Variants in RALGPS1 observed in about 807,000 individuals in gnomAD.
RALGPS1 encodes the protein ras-specific guanine nucleotide-releasing factor RalGPS1.
In RALGPS1, 19 loss-of-function variants were observed where a neutral mutation model predicts 78.8. The observed-to-expected ratio is 0.24, with a 90% CI of 0.17 to 0.35. RALGPS1 has a LOEUF of 0.35. Ranked by LOEUF, RALGPS1 falls within the 10% of genes least tolerant of loss-of-function variation. The pLI is 1.00. For missense variants in RALGPS1, 454 were observed against 688.3 expected, an observed-to-expected ratio of 0.66 and a Z score of 3.81; for synonymous variants, 228 against 256.3, an observed-to-expected ratio of 0.89 and a Z score of 1.06.
rs1050208398 is a variant in RALGPS1, at chr9:127,000,505, A to G, written c.216+22760A>G. Among the ~76,000 whole-genome samples the G allele has an allele frequency of 1.4e-4, 16 of 116,642 alleles. 1 individual carries two copies. Among genetic ancestry groups the G allele is most frequent in the Admixed American group, 1.1e-3 (13 of 11,432 alleles). The allele number at this position is 116,642 out of a possible 152,430, so 76.5% of individuals were successfully genotyped here. On this transcript the variant is annotated intron_variant, in intron 4 of 18. Coordinates refer to ENST00000259351, the MANE Select transcript of RALGPS1 (RefSeq NM_014636.3). Reference sequence around the variant, plus strand: ...CCAAATATTTGAGGAATGGCTAGGTATATTCCTGCTATTGATTTCTTGTCT... The same window carrying G: ...CCAAATATTTGAGGAATGGCTAGGTGTATTCCTGCTATTGATTTCTTGTCT...
Position 127,183,836 on chromosome 9 carries a change from T to C in RALGPS1, c.910+9054T>C. On this transcript the variant is annotated intron_variant, in intron 11 of 18. Transcript: ENST00000259351. The surrounding 1 kb of genome is among the most constrained non-coding windows in gnomAD (Gnocchi z 4.0). The stretch of plus-strand genomic sequence containing the variant: ...TAGGAGGCCAGTTGTGGCCCATTAC[T>C]CTGGGATTTCACATCTCCTTTGTTC... 6.5e-7 allele frequency: 1 copy of C among 1,532,808 alleles called. No homozygotes were observed. Among genetic ancestry groups the C allele is most frequent in the Non-Finnish European group, 8.8e-7 (1 of 1,138,288 alleles). The allele number at this position is 1,532,808 out of a possible 1,614,324, so 95.0% of individuals were successfully genotyped here. A position where few individuals can be genotyped will look rare whatever the true frequency, so the allele number is the denominator to read the frequency against.
At chr9:127,111,537 G>A (rs2054811745) in intron 8 of RALGPS1, among the ~76,000 whole-genome samples, 2 of 152,186 alleles carry the variant, frequency 1.3e-5, no homozygotes, top group Admixed American at 6.5e-5. Context: ...GGATAGATTG[G>A]GGCAGGGATC....
intron 1 of RALGPS1, among the ~76,000 whole-genome samples, chr9:126,915,199 G>T (rs1018110112): frequency 7.2e-6 from 1 of 139,808 alleles, no homozygotes; most frequent in Non-Finnish European, 1.6e-5. Context: ...GGGTCCGGGG[G>T]TTCTGGGGTC....
At chr9:127,036,571 T>A (rs2046881918) in intron 5 of RALGPS1, among the ~76,000 whole-genome samples, 1 of 152,164 alleles carries the variant, frequency 6.6e-6, no homozygotes, top group African/African-American at 2.4e-5. Flanking sequence ...GAAGATCAGC[T>A]GATTGGGAGG....
At chr9:126,924,060 G>C (rs2035029923) in intron 1 of RALGPS1, among the ~76,000 whole-genome samples, 1 of 152,176 alleles carries the variant, frequency 6.6e-6, no homozygotes, top group Non-Finnish European at 1.5e-5. Flanking sequence ...CCACTTTCCA[G>C]ATGAGGATGG....
intron 8 of RALGPS1, among the ~76,000 whole-genome samples, chr9:127,124,599 C>T (rs981271649): frequency 6.6e-6 from 1 of 152,140 alleles, no homozygotes; most frequent in African/African-American, 2.4e-5. Flanking sequence ...TAATTTGTTA[C>T]ACAGCATTAG....
At chr9:127,174,933 G>T in intron 11 of RALGPS1, 151 bp downstream of exon 11, 1 of 670,836 alleles carries the variant, frequency 1.5e-6, no homozygotes, top group Non-Finnish European at 2.6e-6. Context: ...GCACCAGCCT[G>T]CCCAGGCTCC....
At chr9:127,135,740 CA>C (rs1336184034) in intron 8 of RALGPS1, among the ~76,000 whole-genome samples, 6 of 152,154 alleles carry the variant, frequency 3.9e-5, no homozygotes, top group Non-Finnish European at 7.3e-5. Context: ...TTTACAAAGA[CA>C]AAGGCAAGGG....
At chr9:127,201,934 G>A (rs533737804) in intron 14 of RALGPS1, among the ~76,000 whole-genome samples, 4 of 152,350 alleles carry the variant, frequency 2.6e-5, no homozygotes, top group Admixed American at 2.6e-4. Context: ...AGAGGCCGTG[G>A]AGCCAGAGCC....
At position 127,136,878 on chromosome 9, in the gene RALGPS1, C is replaced by T. The variant is rs543657305; in HGVS notation, c.611-29191C>T. ...ATGGAGTCAGTGGGTGCTAACACTG[C>T]TCTAGATTCTCATCACCCCAGGCTC... On this transcript the variant is annotated intron_variant, in intron 8 of 18. Transcript: ENST00000259351. 7.2e-5 allele frequency among the ~76,000 whole-genome samples: 11 copies of T among 152,270 alleles called. 1 individual carries two copies. In the South Asian group the frequency reaches 2.1e-3, roughly 29 times the overall value.
intron 4 of RALGPS1, chr9:127,016,903 A>G (rs1465716989): frequency 2.0e-5 from 3 of 152,054 alleles, no homozygotes; most frequent in Non-Finnish European, 4.4e-5. Context: ...TTATATTTCA[A>G]TGTCACGTCT....
At chr9:126,953,695 C>T (rs769195912) in intron 1 of RALGPS1, among the ~76,000 whole-genome samples, 6 of 152,206 alleles carry the variant, frequency 3.9e-5, no homozygotes, top group Non-Finnish European at 8.8e-5. Flanking sequence ...AATGATCAGA[C>T]TGTGTATGAG....
At chr9:127,140,687 T>A (rs763749519) in intron 8 of RALGPS1, among the ~76,000 whole-genome samples, 114 of 152,330 alleles carry the variant, frequency 7.5e-4, no homozygotes, top group Non-Finnish European at 1.6e-3. Context: ...CCTTTCTATA[T>A]TCTCTAGAAT....
At chr9:127,151,190 A>AG (rs2058398658) in intron 8 of RALGPS1, among the ~76,000 whole-genome samples, 1 of 151,890 alleles carries the variant, frequency 6.6e-6, no homozygotes, top group Admixed American at 6.6e-5. Flanking sequence ...CTCAAAAAAA[A>AG]AAGAGAGAAA....
chr9:127,085,532 AC>A (rs1564547038), intron 8 of RALGPS1, among the ~76,000 whole-genome samples: 8 of 151,996 alleles, frequency 5.3e-5, no homozygotes. Flanking sequence ...ACTGACCCCT[AC>A]CTTTCATTTT....
intron 8 of RALGPS1, chr9:127,088,990 T>C: frequency 6.2e-7 from 1 of 1,613,948 alleles, no homozygotes; most frequent in Non-Finnish European, 8.5e-7. Context: ...CTTTCTTGAG[T>C]GAGTAAGAGC....
chr9:126,994,896 A>G (rs1278812345), intron 4 of RALGPS1, among the ~76,000 whole-genome samples: 2 of 152,168 alleles, frequency 1.3e-5, no homozygotes, highest in Non-Finnish European at 2.9e-5. Flanking sequence ...AAAGAAAAGA[A>G]TTTTCAACCC....
rs977516908 is a variant in RALGPS1, at chr9:127,178,037, G to T, written c.910+3255G>T. 53 of 1,497,560 alleles carry T rather than the reference G, an allele frequency of 3.5e-5. No homozygotes were observed. The African/African-American group carries it at 7.0e-4, about 20-fold the overall frequency. 92.8% of individuals were successfully genotyped at this position (1,497,560 alleles called of 1,614,324 possible). A position where few individuals can be genotyped will look rare whatever the true frequency, so the allele number is the denominator to read the frequency against. Reference sequence around the variant, plus strand: ...AAGCATGGCGAGGCACCCATGGGCCGGCCCAGGGTCCTGGGGAGGGTGGAG... The same window carrying T: ...AAGCATGGCGAGGCACCCATGGGCCTGCCCAGGGTCCTGGGGAGGGTGGAG... On this transcript the variant is annotated intron_variant, in intron 11 of 18. Transcript: ENST00000259351.
At chr9:127,176,550 G>C (rs953166348) in intron 11 of RALGPS1, among the ~76,000 whole-genome samples, 1 of 152,228 alleles carries the variant, frequency 6.6e-6, no homozygotes, top group Admixed American at 6.5e-5. Context: ...AAATGAAAGT[G>C]GTGGTCTGTC....
Sources: gnomAD v4.1 joint callset for allele counts (sites outside exome capture counted in the v4.1 genomes callset) on GRCh38, gnomAD v4.1.1 for gene constraint, Gnocchi (gnomAD v3.1) non-coding constraint, MANE v1.5 for transcripts, NCBI Gene and HGNC (gene_info 2026-07-23, HGNC 2026-07-21) for gene names.